ITGA1: variants seen among roughly 807,000 people sequenced by gnomAD.
The protein encoded by ITGA1 is integrin alpha-1.
In ITGA1, 85 loss-of-function variants were observed where a neutral mutation model predicts 145.9. The observed-to-expected ratio is 0.58, with a 90% CI of 0.49 to 0.70. ITGA1 has a LOEUF of 0.70. Among genes scored for constraint, ITGA1 ranks in the 30% least tolerant of loss-of-function variants. The pLI, the probability that ITGA1 is intolerant of heterozygous loss-of-function variation, is 0.00. For missense variants in ITGA1, 1,351 were observed against 1,418.7 expected, an observed-to-expected ratio of 0.95 and a Z score of 0.77; for synonymous variants, 520 against 495.3, an observed-to-expected ratio of 1.05 and a Z score of -0.66.
At position 52,910,330 on chromosome 5, in the gene ITGA1, G is replaced by A. The variant is rs761494767; in HGVS notation, c.1768G>A (p.Val590Met). The change falls in exon 14 of 29, where the codon GTG becomes ATG. Residue 590 changes from valine (V) to methionine (M), a missense_variant. By Grantham distance (21) the Val-to-Met change is conservative. Transcript: ENST00000282588. The part of the protein sequence containing the change: ...DLNLDGFNDI[V>M]IGAPLEDDHG... ...CAATCTTGATGGATTTAATGACATC[G>A]TGATAGGAGCTCCGCTGGAAGATGA... 3.0e-5 allele frequency: 48 copies of A among 1,613,806 alleles called. No homozygotes were observed. The highest frequency in any genetic ancestry group is 5.5e-5 in the South Asian group (5 of 91,080).
chr5:52,858,240 A>C lies in ITGA1; in HGVS notation c.183-3207A>C, dbSNP rs924894332. ...TCATTGGTTCCCAACTTCCCCCTACATAGAATAAAGCCAAAGTTCTTAAAG... is the reference window on the plus strand; with the variant it reads ...TCATTGGTTCCCAACTTCCCCCTACCTAGAATAAAGCCAAAGTTCTTAAAG... On this transcript the variant is annotated intron_variant, in intron 2 of 28. Coordinates refer to ENST00000282588, the MANE Select transcript of ITGA1 (RefSeq NM_181501.2). Among the ~76,000 whole-genome samples, 4 of 152,208 alleles carry C rather than the reference A, an allele frequency of 2.6e-5. No individual in the cohort carries two copies. The East Asian group carries it at 7.7e-4, about 29-fold the overall frequency.
At chr5:52,928,630 C>T (rs1232080400) in intron 20 of ITGA1, among the ~76,000 whole-genome samples, 3 of 152,168 alleles carry the variant, frequency 2.0e-5, no homozygotes, top group Non-Finnish European at 4.4e-5. Flanking sequence ...CAACCACTAA[C>T]CTGCTTTCTT....
At position 52,955,397 on chromosome 5, in the gene ITGA1, T is replaced by C. The variant is rs1751290365; in HGVS notation, c.*2946T>C. The C allele has an allele frequency of 6.7e-6, 1 of 150,048 alleles. No homozygotes were observed. The highest frequency in any genetic ancestry group is 2.5e-5 in the African/African-American group (1 of 40,600). The allele number at this position is 150,048 out of a possible 1,614,324, so 9.3% of individuals were successfully genotyped here. On this transcript the variant is annotated 3_prime_UTR_variant, in exon 29 of 29. Coordinates refer to ENST00000282588, the MANE Select transcript of ITGA1 (RefSeq NM_181501.2). ...GATAGATAGATAGATAGATAGATAT[T>C]GATAGAGAACATGTTGTGTCTATAT...
At chr5:52,887,784 T>C (rs1336572802) in intron 7 of ITGA1, 31 bp from the exon 8 acceptor site, 1 of 1,594,968 alleles carries the variant, frequency 6.3e-7, no homozygotes, top group African/African-American at 1.3e-5. Context: ...TGGTGTCTTA[T>C]CAACCTCTCT....
rs759063210 is a variant in ITGA1, at chr5:52,939,555, G to C, written c.3079-35G>C. Reference sequence around the variant, plus strand: ...AGTCATGTTTTTCCTCTGATATCTGGCATTGTCTGATAAATGTAATATTTT... The same window carrying C: ...AGTCATGTTTTTCCTCTGATATCTGCCATTGTCTGATAAATGTAATATTTT... On this transcript the variant is annotated intron_variant, in intron 24 of 28. Transcript: ENST00000282588. 1.4e-5 allele frequency: 19 copies of C among 1,366,438 alleles called. No individual in the cohort carries two copies. In the East Asian group the frequency reaches 4.1e-4, roughly 30 times the overall value. The allele number at this position is 1,366,438 out of a possible 1,614,324, so 84.6% of individuals were successfully genotyped here. A position where few individuals can be genotyped will look rare whatever the true frequency, so the allele number is the denominator to read the frequency against.
chr5:52,919,248 C>T (rs1750696485), intron 16 of ITGA1, among the ~76,000 whole-genome samples: 1 of 152,140 alleles, frequency 6.6e-6, no homozygotes, highest in Non-Finnish European at 1.5e-5. Context: ...GTTTTCCTTC[C>T]TGTAGGTTTC....
chr5:52,819,748 C>A (rs532053468), intron 1 of ITGA1, among the ~76,000 whole-genome samples: 153 of 152,206 alleles, frequency 1.0e-3, no homozygotes, highest in African/African-American at 3.6e-3. Flanking sequence ...ATGGTATTGC[C>A]TAGGTTTTCT....
chr5:52,930,639 A>G (rs1290073258), intron 21 of ITGA1, among the ~76,000 whole-genome samples: 1 of 152,154 alleles, frequency 6.6e-6, no homozygotes, highest in African/African-American at 2.4e-5. Flanking sequence ...TTATCAAGGA[A>G]CTTATAATTG....
At chr5:52,914,609 G>C (rs942767108) in intron 14 of ITGA1, among the ~76,000 whole-genome samples, 7 of 137,102 alleles carry the variant, frequency 5.1e-5, no homozygotes, top group Non-Finnish European at 9.9e-5. Context: ...AAAAAAAAAA[G>C]GGGGGGAAAT....
intron 1 of ITGA1, among the ~76,000 whole-genome samples, chr5:52,831,257 C>T (rs1018298847): frequency 6.6e-6 from 1 of 152,000 alleles, no homozygotes; most frequent in Non-Finnish European, 1.5e-5. Flanking sequence ...CTCAGTCTCC[C>T]GAGTAGCTGG....
intron 7 of ITGA1, among the ~76,000 whole-genome samples, chr5:52,887,419 C>T (rs1275900176): frequency 1.3e-5 from 2 of 152,080 alleles, no homozygotes; most frequent in African/African-American, 2.4e-5. Context: ...TTCTGCTAGA[C>T]GCAGAAGAAA....
intron 2 of ITGA1, among the ~76,000 whole-genome samples, chr5:52,852,603 G>T (rs1204694470): frequency 6.6e-6 from 1 of 152,116 alleles, no homozygotes; most frequent in Non-Finnish European, 1.5e-5. Flanking sequence ...CACTTATCAG[G>T]AAGTGGGTAA....
intron 1 of ITGA1, among the ~76,000 whole-genome samples, chr5:52,848,364 G>A (rs1375517554): frequency 6.6e-6 from 1 of 152,104 alleles, no homozygotes; most frequent in Non-Finnish European, 1.5e-5. Context: ...AGAGTTCATT[G>A]ATGGCCATGG....
Position 52,887,564 on chromosome 5 carries a change from T to TA in ITGA1, c.774-250dup, listed in dbSNP as rs200635600. 7.6e-3 allele frequency among the ~76,000 whole-genome samples: 1,162 copies of TA among 152,266 alleles called. 17 individuals carry two copies. The highest frequency in any genetic ancestry group is 0.027 in the African/African-American group (1,123 of 41,546). ...CCTTTGAAATTTCCAAAGAATGAAA[T>TA]ACTGCTGCCTTTTTATATATAGGAT... On this transcript the variant is annotated intron_variant, in intron 7 of 28. Transcript: ENST00000282588.
chr5:52,907,316 G>A, intron 12 of ITGA1, among the ~76,000 whole-genome samples: 1 of 152,154 alleles, frequency 6.6e-6, no homozygotes, highest in East Asian at 1.9e-4. Flanking sequence ...CGTAAAATAA[G>A]ATGTCAGCAG....
In ITGA1 at chr5:52,927,648, TGAGAAGAG is replaced by T; in HGVS notation, c.2683_2690del (p.Arg895AspfsTer11). The T allele has an allele frequency of 6.2e-7, 1 of 1,605,710 alleles. No individual in the cohort carries two copies. The highest frequency in any genetic ancestry group is 8.5e-7 in the Non-Finnish European group (1 of 1,172,886). On this transcript the variant is annotated frameshift_variant, in exon 20 of 29. Transcript: ENST00000282588. LOFTEE classifies it high-confidence loss of function. ...ACATGTAAAGTTGGATATCCCTTCC[TGAGAAGAG>T]GAGAGATGGTGAGCAGATCATACAA...
chr5:52,811,460 A>G (rs1056252345), intron 1 of ITGA1, among the ~76,000 whole-genome samples: 1 of 152,208 alleles, frequency 6.6e-6, no homozygotes, highest in Non-Finnish European at 1.5e-5. Flanking sequence ...AGGTTTAAAA[A>G]GAATCTTTTT....
intron 1 of ITGA1, among the ~76,000 whole-genome samples, chr5:52,792,592 C>T (rs1313207139): frequency 2.0e-5 from 3 of 152,178 alleles, no homozygotes; most frequent in Admixed American, 6.5e-5. Context: ...AGATGCTCCT[C>T]TAACATGTTC....
intron 1 of ITGA1, among the ~76,000 whole-genome samples, chr5:52,816,865 GTC>G (rs1228613072): frequency 1.3e-5 from 2 of 152,174 alleles, no homozygotes; most frequent in Non-Finnish European, 2.9e-5. Context: ...AATAATAAAA[GTC>G]TGTCTGTATT....
Sources: gnomAD v4.1 joint callset for allele counts (sites outside exome capture counted in the v4.1 genomes callset) on GRCh38, gnomAD v4.1.1 for gene constraint, MANE v1.5 for transcripts, NCBI Gene and HGNC (gene_info 2026-07-23, HGNC 2026-07-21) for gene names.